SPPL3: variants seen among roughly 807,000 people sequenced by gnomAD.
The protein encoded by SPPL3 is signal peptide peptidase-like 3.
Under a neutral mutation model 42.4 loss-of-function variants are expected in SPPL3, and 5 were observed. The ratio of observed to expected loss-of-function variants is 0.12; its 90% CI spans 0.06 to 0.25. The LOEUF is 0.25. Ranked by LOEUF, SPPL3 falls within the 10% of genes least tolerant of loss-of-function variation. The pLI is 1.00. For missense variants in SPPL3, 235 were observed against 489.0 expected, an observed-to-expected ratio of 0.48 and a Z score of 4.90; for synonymous variants, 195 against 181.8, an observed-to-expected ratio of 1.07 and a Z score of -0.58.
chr12:120,856,613 C>A (rs1036734004), intron 1 of SPPL3, among the ~76,000 whole-genome samples: 4 of 145,394 alleles, frequency 2.8e-5, no homozygotes, highest in Middle Eastern at 4.0e-3. Flanking sequence ...GCATTCAGGG[C>A]ATAGTTGGTT....
intron 1 of SPPL3, among the ~76,000 whole-genome samples, chr12:120,858,693 T>C (rs975238457): frequency 6.6e-6 from 1 of 152,046 alleles, no homozygotes; most frequent in East Asian, 1.9e-4. Flanking sequence ...CGGCAATCTA[T>C]AGAAAAACAG....
rs368039212 is a variant in SPPL3 at position 120,768,279 on chromosome 12, T to C, written c.773+46A>G. On this transcript the variant is annotated intron_variant, in intron 8 of 10. Coordinates refer to ENST00000353487, the MANE Select transcript of SPPL3 (RefSeq NM_139015.5). ...GAGACTGATCAAGGCCGGGAACAGA[T>C]AGGCACAGGAAGACAGTGTGGTCCT... 1.5e-5 allele frequency: 23 copies of C among 1,571,572 alleles called. 1 individual carries two copies. In the East Asian group the frequency reaches 3.8e-4, roughly 26 times the overall value.
At chr12:120,851,841 C>T (rs1180440695) in intron 1 of SPPL3, among the ~76,000 whole-genome samples, 1 of 152,094 alleles carries the variant, frequency 6.6e-6, no homozygotes, top group African/African-American at 2.4e-5. Flanking sequence ...TGGGCTCAAG[C>T]GATCTGCCCG....
At chr12:120,784,635 C>CCTGGTGCATAATA in intron 3 of SPPL3, 42 bp from the exon 4 acceptor site, 1 of 1,520,906 alleles carries the variant, frequency 6.6e-7, no homozygotes, top group Non-Finnish European at 9.0e-7. Context: ...TATTATGCAC[C>CCTGGTGCATAATA]AGGCACTGTG....
At chr12:120,849,200 C>T (rs903021242) in intron 1 of SPPL3, among the ~76,000 whole-genome samples, 2 of 151,948 alleles carry the variant, frequency 1.3e-5, no homozygotes, top group Non-Finnish European at 2.9e-5. Context: ...CAAAAGAAAA[C>T]AATAATAATA....
rs139308449 is a variant in SPPL3, at chr12:120,889,732, A to G, written c.23+14113T>C. On this transcript the variant is annotated intron_variant, in intron 1 of 10. Transcript: ENST00000353487. ...ATGCAGTGTTATTGTGGCAATAGCTAACTGATATAGTCACCAATTCTCCCA... is the reference window on the plus strand; with the variant it reads ...ATGCAGTGTTATTGTGGCAATAGCTGACTGATATAGTCACCAATTCTCCCA... 9.3e-4 allele frequency among the ~76,000 whole-genome samples: 142 copies of G among 152,356 alleles called. 2 individuals are homozygous for G. In the East Asian group the frequency reaches 0.012, roughly 13 times the overall value.
At chr12:120,871,122 T>TC (rs1872906572) in intron 1 of SPPL3, among the ~76,000 whole-genome samples, 1 of 17,192 alleles carries the variant, frequency 5.8e-5, no homozygotes, top group African/African-American at 2.2e-4. Flanking sequence ...AGAGTGAGAC[T>TC]CCGTCTCCAA....
intron 1 of SPPL3, among the ~76,000 whole-genome samples, chr12:120,813,838 A>C (rs1049440516): frequency 3.9e-5 from 6 of 152,118 alleles, no homozygotes; most frequent in African/African-American, 1.4e-4. Context: ...AATCTCTACT[A>C]GAGACTTTCT....
intron 1 of SPPL3, among the ~76,000 whole-genome samples, chr12:120,815,303 CATCT>C (rs1032081855): frequency 1.7e-4 from 26 of 152,272 alleles, no homozygotes; most frequent in African/African-American, 6.3e-4. Flanking sequence ...AATTTTTACC[CATCT>C]GAGAGATGAA....
intron 1 of SPPL3, among the ~76,000 whole-genome samples, chr12:120,874,269 A>G (rs1049011229): frequency 3.3e-5 from 5 of 152,014 alleles, no homozygotes; most frequent in African/African-American, 1.2e-4. Flanking sequence ...CCTGGCCAAC[A>G]TGGTGAAACC....
intron 1 of SPPL3, among the ~76,000 whole-genome samples, chr12:120,824,598 C>T (rs779063297): frequency 5.3e-5 from 8 of 152,164 alleles, no homozygotes; most frequent in African/African-American, 7.2e-5. Flanking sequence ...GGCATGATCA[C>T]GGCTCACTGC....
intron 1 of SPPL3, among the ~76,000 whole-genome samples, chr12:120,815,990 A>C (rs1172750073): frequency 6.6e-6 from 1 of 152,148 alleles, no homozygotes; most frequent in East Asian, 1.9e-4. Context: ...TCAGCCTCCC[A>C]AAATGCCAGG....
chr12:120,856,537 C>T (rs1157981556), intron 1 of SPPL3, among the ~76,000 whole-genome samples: 2 of 115,388 alleles, frequency 1.7e-5, no homozygotes, highest in South Asian at 2.6e-4. Context: ...TGAGACAGAG[C>T]GAGACTCCGT....
intron 1 of SPPL3, among the ~76,000 whole-genome samples, chr12:120,866,296 G>A (rs7133924): frequency 0.013 from 2,022 of 151,866 alleles, 37 homozygotes; most frequent in African/African-American, 0.047. Flanking sequence ...AGGTACCTCC[G>A]CCAAATCTAG....
intron 1 of SPPL3, among the ~76,000 whole-genome samples, chr12:120,876,550 G>C (rs903891551): frequency 7.0e-6 from 1 of 142,948 alleles, no homozygotes; most frequent in African/African-American, 2.6e-5. Context: ...CTGGGAGGCA[G>C]AGCTTGCAGT....
intron 2 of SPPL3, among the ~76,000 whole-genome samples, chr12:120,794,328 A>G (rs968674733): frequency 1.3e-5 from 2 of 151,860 alleles, no homozygotes; most frequent in African/African-American, 4.8e-5. Flanking sequence ...TTGGCTTTAT[A>G]GTGTGCTTCT....
chr12:120,803,896 C>G (rs1203609682), intron 2 of SPPL3, among the ~76,000 whole-genome samples: 2 of 150,340 alleles, frequency 1.3e-5, no homozygotes, highest in African/African-American at 4.8e-5. Flanking sequence ...AAAAGTTAAT[C>G]AACATATTAC....
chr12:120,799,186 C>T lies in SPPL3; in HGVS notation c.102-7629G>A, dbSNP rs143957378. Among the ~76,000 whole-genome samples, 651 of 152,206 alleles carry T rather than the reference C, an allele frequency of 4.3e-3. 5 individuals carry two copies. Among genetic ancestry groups the T allele is most frequent in the African/African-American group, 0.015 (618 of 41,520 alleles). On this transcript the variant is annotated intron_variant, in intron 2 of 10. Transcript: ENST00000353487. ...ACCTACTGAACATCATAGTTTAGCC[C>T]AGCCTACCTTAAACGTGCTCAGAAC... is the stretch of plus-strand genomic sequence containing the variant.
intron 5 of SPPL3, among the ~76,000 whole-genome samples, 172 bp downstream of exon 5, chr12:120,783,502 C>T (rs1235893960): frequency 2.6e-5 from 4 of 152,176 alleles, no homozygotes; most frequent in Admixed American, 2.6e-4. Context: ...TGAGAAGGTA[C>T]AAAAGGAAGT....
Sources: allele counts gnomAD v4.1 joint callset (sites outside exome capture counted in the v4.1 genomes callset), GRCh38; gene constraint gnomAD v4.1.1; transcripts MANE v1.5; gene names NCBI Gene and HGNC (gene_info 2026-07-23, HGNC 2026-07-21).